MTHFS: variants seen among roughly 807,000 people sequenced by gnomAD.
MTHFS encodes the protein methenyltetrahydrofolate synthetase.
In MTHFS, 7 loss-of-function variants were observed where a neutral mutation model predicts 12.7. The ratio of observed to expected loss-of-function variants is 0.55; its 90% CI spans 0.31 to 1.03. The LOEUF is 1.03. Among genes scored for constraint, MTHFS ranks in the 50% least tolerant of loss-of-function variants. The probability of loss-of-function intolerance (pLI) is 0.05; values close to 1 mark genes in which losing one functional copy is unlikely to be tolerated. For synonymous variants in MTHFS, 100 were observed against 97.1 expected, an observed-to-expected ratio of 1.03 and a Z score of -0.18; for missense variants, 252 against 258.1, an observed-to-expected ratio of 0.98 and a Z score of 0.16.
At chr15:79,850,911 A>G (rs989256414) in intron 2 of MTHFS, among the ~76,000 whole-genome samples, 1 of 152,186 alleles carries the variant, frequency 6.6e-6, no homozygotes, top group Non-Finnish European at 1.5e-5. Flanking sequence ...ATTCTTATTA[A>G]TTCTGGCAGC....
At chr15:79,897,062 G>C, upstream of MTHFS, 1 of 1,372,220 alleles carries the variant, frequency 7.3e-7, no homozygotes, top group Non-Finnish European at 9.5e-7. Flanking sequence ...GCCCCTGGCC[G>C]CTCCCAGGTG....
At chr15:79,865,196 G>A (rs1333555468) in intron 2 of MTHFS, among the ~76,000 whole-genome samples, 1 of 152,088 alleles carries the variant, frequency 6.6e-6, no homozygotes, top group East Asian at 1.9e-4. Flanking sequence ...AAAACGAAGT[G>A]GAAATGTACC....
At chr15:79,886,511 C>T (rs2034384822) in intron 2 of MTHFS, among the ~76,000 whole-genome samples, 1 of 151,596 alleles carries the variant, frequency 6.6e-6, no homozygotes, top group Non-Finnish European at 1.5e-5. Flanking sequence ...GGAAAAAAGC[C>T]ACTGGTACTA....
chr15:79,852,757 G>A (rs1291480434), intron 2 of MTHFS, among the ~76,000 whole-genome samples: 3 of 152,114 alleles, frequency 2.0e-5, no homozygotes, highest in African/African-American at 7.2e-5. Flanking sequence ...GGATGACACG[G>A]GTCATTCTGC....
At chr15:79,893,530 C>G (rs2034512593) in intron 1 of MTHFS, among the ~76,000 whole-genome samples, 1 of 151,618 alleles carries the variant, frequency 6.6e-6, no homozygotes, top group Non-Finnish European at 1.5e-5. Flanking sequence ...AACCCCATCT[C>G]TACTAAAAAT....
chr15:79,895,170 G>A (rs1288383954), intron 1 of MTHFS, among the ~76,000 whole-genome samples: 1 of 152,148 alleles, frequency 6.6e-6, no homozygotes, highest in African/African-American at 2.4e-5. Context: ...AAAAACAATG[G>A]CGCCAGATTC....
At chr15:79,866,902 G>A (rs1227490080) in intron 2 of MTHFS, among the ~76,000 whole-genome samples, 4 of 152,064 alleles carry the variant, frequency 2.6e-5, no homozygotes, top group Non-Finnish European at 5.9e-5. Context: ...GCTGCAGTGA[G>A]CTGAGATCGT....
intron 2 of MTHFS, among the ~76,000 whole-genome samples, chr15:79,887,444 G>A (rs1277247497): frequency 1.3e-5 from 2 of 152,208 alleles, no homozygotes; most frequent in African/African-American, 4.8e-5. Flanking sequence ...GAGCACAGCT[G>A]TTCTAAAAGG....
chr15:79,854,578 G>A (rs2033769198), intron 2 of MTHFS, among the ~76,000 whole-genome samples: 2 of 152,076 alleles, frequency 1.3e-5, no homozygotes, highest in African/African-American at 2.4e-5. Context: ...TATTATCAGT[G>A]GTTACTCCTG....
At chr15:79,895,789 G>A (rs1418168286) in intron 1 of MTHFS, among the ~76,000 whole-genome samples, 2 of 152,184 alleles carry the variant, frequency 1.3e-5, no homozygotes, top group Admixed American at 1.3e-4. Flanking sequence ...ACGGATAATA[G>A]AATAGTGAAG....
At chr15:79,875,172 G>C (rs2034170578) in intron 2 of MTHFS, among the ~76,000 whole-genome samples, 1 of 151,642 alleles carries the variant, frequency 6.6e-6, no homozygotes, top group Non-Finnish European at 1.5e-5. Flanking sequence ...TTAATTTCGA[G>C]AACTAATAAA....
chr15:79,863,677 T>C (rs2033955925), intron 2 of MTHFS, among the ~76,000 whole-genome samples: 2 of 152,204 alleles, frequency 1.3e-5, no homozygotes, highest in South Asian at 4.1e-4. Flanking sequence ...AGGTGAAGGA[T>C]GCTCTTTTTC....
At chr15:79,870,024 C>G (rs1359702994) in intron 2 of MTHFS, among the ~76,000 whole-genome samples, 1 of 152,030 alleles carries the variant, frequency 6.6e-6, no homozygotes, top group Non-Finnish European at 1.5e-5. Context: ...GGACATGAAA[C>G]TTTAGGATGA....
chr15:79,887,243 A>C (rs2034398843), intron 2 of MTHFS, among the ~76,000 whole-genome samples: 1 of 152,152 alleles, frequency 6.6e-6, no homozygotes, highest in African/African-American at 2.4e-5. Context: ...AGAAAAAAAA[A>C]CCTGCATAAA....
chr15:79,874,036 C>T (rs896446464), intron 2 of MTHFS, among the ~76,000 whole-genome samples: 10 of 152,172 alleles, frequency 6.6e-5, no homozygotes, highest in Admixed American at 1.3e-4. Context: ...AGTGCTAAAA[C>T]TTGAATGCAC....
intron 2 of MTHFS, among the ~76,000 whole-genome samples, chr15:79,868,924 T>C (rs2034057342): frequency 6.6e-6 from 1 of 152,200 alleles, no homozygotes; most frequent in African/African-American, 2.4e-5. Flanking sequence ...ATAAAACTTA[T>C]TGGTTCTGAG....
chr15:79,877,591 C>CT (rs1332729829), intron 2 of MTHFS: 1 of 152,072 alleles, frequency 6.6e-6, no homozygotes, highest in Non-Finnish European at 1.5e-5. Flanking sequence ...GTCCTAGCTA[C>CT]TTGGGAGGCT....
chr15:79,890,298 T>C (rs2034453456), intron 1 of MTHFS, among the ~76,000 whole-genome samples: 1 of 137,476 alleles, frequency 7.3e-6, no homozygotes. Flanking sequence ...AACCACTGCC[T>C]CAATCTGCAA....
At chr15:79,874,090 C>T (rs1407128613) in intron 2 of MTHFS, among the ~76,000 whole-genome samples, 1 of 152,160 alleles carries the variant, frequency 6.6e-6, no homozygotes, top group African/African-American at 2.4e-5. Flanking sequence ...TTCATGCATT[C>T]CAGTGTTTGA....
Sources: allele counts gnomAD v4.1 joint callset (sites outside exome capture counted in the v4.1 genomes callset), GRCh38; gene constraint gnomAD v4.1.1; transcripts MANE v1.5; gene names NCBI Gene and HGNC (gene_info 2026-07-23, HGNC 2026-07-21).